The following JARID2 variants were observed in gnomAD, a reference collection of about 807,000 sequenced individuals.
JARID2 encodes protein Jumonji.
In JARID2, 21 loss-of-function variants were observed where a neutral mutation model predicts 125.6. The ratio of observed to expected loss-of-function variants is 0.17; its 90% CI spans 0.12 to 0.24. The LOEUF is 0.24. Ranked by LOEUF, JARID2 falls within the 10% of genes least tolerant of loss-of-function variation. The pLI, the probability that JARID2 is intolerant of heterozygous loss-of-function variation, is 1.00. For synonymous variants in JARID2, 736 were observed against 661.6 expected, an observed-to-expected ratio of 1.11 and a Z score of -1.73; for missense variants, 1,303 against 1,639.6, an observed-to-expected ratio of 0.79 and a Z score of 3.55.
At chr6:15,308,826 TC>T (rs1761920799) in intron 1 of JARID2, among the ~76,000 whole-genome samples, 1 of 152,252 alleles carries the variant, frequency 6.6e-6, no homozygotes, top group South Asian at 2.1e-4. Flanking sequence ...TTATATTTTG[TC>T]AACAGTAAAT....
intron 2 of JARID2, among the ~76,000 whole-genome samples, chr6:15,393,849 C>T (rs1581497882): frequency 6.6e-6 from 1 of 152,210 alleles, no homozygotes; most frequent in South Asian, 2.1e-4. Flanking sequence ...ATATAAAAGG[C>T]ACATATTTTG....
At chr6:15,396,055 A>G (rs182612023) in intron 2 of JARID2, among the ~76,000 whole-genome samples, 11 of 152,270 alleles carry the variant, frequency 7.2e-5, no homozygotes, top group African/African-American at 2.4e-4. Flanking sequence ...ACTTTATACT[A>G]TTGAGTAATG....
chr6:15,278,762 G>T (rs1760637774), intron 1 of JARID2, among the ~76,000 whole-genome samples: 3 of 151,940 alleles, frequency 2.0e-5, no homozygotes, highest in African/African-American at 4.8e-5. Flanking sequence ...TTGGAGGACT[G>T]GTTTGGGTGG....
intron 1 of JARID2, among the ~76,000 whole-genome samples, chr6:15,272,714 G>A (rs1760344887): frequency 6.6e-6 from 1 of 152,168 alleles, no homozygotes; most frequent in African/African-American, 2.4e-5. Flanking sequence ...TCAGGTTTAT[G>A]CAGCCATAGT....
chr6:15,385,222 T>C (rs539358756), intron 2 of JARID2, among the ~76,000 whole-genome samples: 1 of 152,332 alleles, frequency 6.6e-6, no homozygotes, highest in East Asian at 1.9e-4. Context: ...TGTTTAGCTC[T>C]AGCTGATCCT....
chr6:15,416,559 G>C (rs557158516), intron 3 of JARID2, among the ~76,000 whole-genome samples: 1 of 152,230 alleles, frequency 6.6e-6, no homozygotes, highest in African/African-American at 2.4e-5. Flanking sequence ...GTGGTGGCGC[G>C]CGCCTGCAAT....
intron 3 of JARID2, among the ~76,000 whole-genome samples, chr6:15,424,503 G>A (rs1157841786): frequency 6.6e-6 from 1 of 152,118 alleles, no homozygotes; most frequent in Non-Finnish European, 1.5e-5. Context: ...CTCTGTCCCT[G>A]GGGGAGTCAG....
At chr6:15,362,111 T>G (rs777886151) in intron 1 of JARID2, among the ~76,000 whole-genome samples, 43 of 151,730 alleles carry the variant, frequency 2.8e-4, no homozygotes, top group South Asian at 8.3e-4. Flanking sequence ...GGTCTTGAAC[T>G]CTTGACCTCA....
chr6:15,414,535 A>G lies in JARID2; in HGVS notation c.323+4170A>G, dbSNP rs949630448. Reference sequence around the variant, plus strand: ...TGGAGGCAACTACAACAACAACAAAACTCAAAACCGGTATATTTTTACCTA... The same window carrying G: ...TGGAGGCAACTACAACAACAACAAAGCTCAAAACCGGTATATTTTTACCTA... On this transcript the variant is annotated intron_variant, in intron 3 of 17. Transcript: ENST00000341776. Among the ~76,000 whole-genome samples, 19 of 99,524 alleles carry G rather than the reference A, an allele frequency of 1.9e-4. No homozygotes were observed. In the East Asian group the frequency reaches 4.8e-3, roughly 25 times the overall value. 65.3% of individuals were successfully genotyped at this position (99,524 alleles called of 152,430 possible). A position where few individuals can be genotyped will look rare whatever the true frequency, so the allele number is the denominator to read the frequency against.
At chr6:15,267,902 CCATGAAGTGTACAT>C (rs147752045) in intron 1 of JARID2, among the ~76,000 whole-genome samples, 6,621 of 152,138 alleles carry the variant, frequency 0.044, 192 homozygotes, top group Non-Finnish European at 0.067. Context: ...AAAGTTGGTT[CCATGAAGTGTACAT>C]CAGCAGCCCC....
intron 1 of JARID2, among the ~76,000 whole-genome samples, chr6:15,267,938 T>C (rs1267883396): frequency 6.6e-6 from 1 of 152,152 alleles, no homozygotes; most frequent in East Asian, 1.9e-4. Flanking sequence ...GAGGATGCTG[T>C]GGGGTTGCAA....
chr6:15,295,433 A>G (rs2127402183), intron 1 of JARID2, among the ~76,000 whole-genome samples: 1 of 152,134 alleles, frequency 6.6e-6, no homozygotes, highest in South Asian at 2.1e-4. Flanking sequence ...TCTAATAGTA[A>G]TTAGAAGTTA....
intron 1 of JARID2, among the ~76,000 whole-genome samples, chr6:15,290,037 A>G (rs954415286): frequency 6.6e-6 from 1 of 152,186 alleles, no homozygotes; most frequent in African/African-American, 2.4e-5. Flanking sequence ...AAATGCACCC[A>G]TTTCAAGCAT....
intron 5 of JARID2, among the ~76,000 whole-genome samples, chr6:15,483,702 T>C (rs1769732483): frequency 6.6e-6 from 1 of 152,236 alleles, no homozygotes; most frequent in Non-Finnish European, 1.5e-5. Context: ...GTAATAATTC[T>C]GCTGTGAATA....
intron 1 of JARID2, among the ~76,000 whole-genome samples, chr6:15,284,829 A>G (rs1482533423): frequency 6.6e-6 from 1 of 152,106 alleles, no homozygotes; most frequent in Non-Finnish European, 1.5e-5. Context: ...AAGGTTGAAA[A>G]AGAGTTAACA....
chr6:15,331,528 CAA>C (rs1188657302), intron 1 of JARID2, among the ~76,000 whole-genome samples: 1 of 152,052 alleles, frequency 6.6e-6, no homozygotes, highest in Non-Finnish European at 1.5e-5. Context: ...ATGTAGAACA[CAA>C]AGAGTAAGTG....
chr6:15,329,368 G>A (rs983277165), intron 1 of JARID2, among the ~76,000 whole-genome samples: 2 of 152,106 alleles, frequency 1.3e-5, no homozygotes, highest in Non-Finnish European at 2.9e-5. Flanking sequence ...GCAAGCAGGG[G>A]TAGGGTTTAT....
intron 1 of JARID2, among the ~76,000 whole-genome samples, chr6:15,357,798 G>A (rs1453176666): frequency 1.3e-5 from 2 of 152,162 alleles, no homozygotes; most frequent in Non-Finnish European, 2.9e-5. Context: ...CTTTTAGGAC[G>A]ACACTGGCAT....
intron 2 of JARID2, among the ~76,000 whole-genome samples, chr6:15,407,105 G>A (rs1003650586): frequency 3.3e-5 from 5 of 151,870 alleles, no homozygotes; most frequent in East Asian, 3.9e-4. Context: ...AAAAAAAAAA[G>A]AAAAAAATTA....
Sources: allele counts gnomAD v4.1 joint callset (sites outside exome capture counted in the v4.1 genomes callset), GRCh38; gene constraint gnomAD v4.1.1; transcripts MANE v1.5; gene names NCBI Gene and HGNC (gene_info 2026-07-23, HGNC 2026-07-21).